The following CRELD2 variants were observed in gnomAD, a reference collection of about 807,000 sequenced individuals.
CRELD2 encodes protein disulfide isomerase CRELD2.
Under a neutral mutation model 48.1 loss-of-function variants are expected in CRELD2, and 33 were observed. The ratio of observed to expected loss-of-function variants is 0.69; its 90% CI spans 0.52 to 0.92. The LOEUF (loss-of-function observed/expected upper bound fraction) is 0.92. Among genes scored for constraint, CRELD2 ranks in the 40% least tolerant of loss-of-function variants. The pLI is 0.00. For synonymous variants in CRELD2, 220 were observed against 203.9 expected, an observed-to-expected ratio of 1.08 and a Z score of -0.67; for missense variants, 477 against 482.4, an observed-to-expected ratio of 0.99 and a Z score of 0.10.
chr22:49,923,346 G>A lies in CRELD2; in HGVS notation c.772+29G>A, dbSNP rs369318070. 351 of 1,557,082 alleles carry A rather than the reference G, an allele frequency of 2.3e-4. 2 individuals are homozygous for A. Among genetic ancestry groups the A allele is most frequent in the South Asian group, 8.1e-4 (72 of 89,276 alleles). ...GGCCAGGCGGGCGGGTCTGCACTCC[G>A]GGGCCTGCCGGGTTTCGTTGCTGCC... On this transcript the variant is annotated intron_variant, in intron 7 of 9. Transcript: ENST00000328268.
In CRELD2 at chr22:49,919,281, G is replaced by A. The variant is rs1264421068; in HGVS notation, c.181G>A (p.Glu61Lys). The change falls in exon 2 of 10, where the codon GAG (glutamate) becomes AAG (lysine). Residue 61 changes from glutamate to lysine, a missense_variant. Physicochemically the swap from Glu to Lys is moderately conservative, Grantham distance 56. Coordinates refer to ENST00000328268, the MANE Select transcript of CRELD2 (RefSeq NM_024324.5). The part of the protein sequence containing the change: ...KNFGGGNTAW[E>K]EKTLSKYESS... Reference sequence around the variant, plus strand: ...CTTTGGCGGCGGGAACACGGCTTGGGAGGAAAAGACGCTGTCCAAGTACGA... The same window carrying A: ...CTTTGGCGGCGGGAACACGGCTTGGAAGGAAAAGACGCTGTCCAAGTACGA... 1 of 1,613,690 alleles carries A rather than the reference G, an allele frequency of 6.2e-7. No homozygotes were observed. The highest frequency in any genetic ancestry group is 8.5e-7 in the Non-Finnish European group (1 of 1,180,024).
chr22:49,925,794 G>A, intron 9 of CRELD2: 1 of 1,343,102 alleles, frequency 7.4e-7, no homozygotes, highest in Non-Finnish European at 9.7e-7. Context: ...GGCGATGAAG[G>A]GGGAAGTCTC....
Position 49,919,828 on chromosome 22 carries a change from G to A in CRELD2, c.311G>A (p.Trp104Ter), listed in dbSNP as rs1341288623. 4.4e-6 allele frequency: 7 copies of A among 1,608,264 alleles called. No homozygotes were observed. The highest frequency in any genetic ancestry group is 5.9e-6 in the Non-Finnish European group (7 of 1,176,712). Residue 104 changes from tryptophan (W) to a stop codon, truncating the protein, a stop_gained, in exon 3 of 10, where the codon TGG becomes TAG. Transcript: ENST00000328268. LOFTEE classifies it high-confidence loss of function. ...LEAQEEHLEA[W>*]WLQLKSEYPD... is the part of the protein sequence containing the mutation. ...GCGCAGGAGGAGCACCTGGAGGCCT[G>A]GTGGCTGCAGCTGTGAGTGCCTTAA...
rs1375383540 is a variant in CRELD2 at position 49,919,731 on chromosome 22, G to C, written c.214G>C (p.Glu72Gln). The stretch of plus-strand genomic sequence containing the variant: ...GGCCGGTGTGGGCCTGTGTTTCAGC[G>C]AGATTCGCCTGCTGGAGATCCTGGA... Reference protein sequence around the residue: ...EKTLSKYESSEIRLLEILEGL... With the variant: ...EKTLSKYESSQIRLLEILEGL... Residue 72 changes from glutamate to glutamine, a missense_variant and splice_region_variant, in exon 3 of 10, where the codon GAG becomes CAG. Physicochemically the swap from Glu to Gln is conservative, Grantham distance 29 (BLOSUM62 2). Coordinates refer to ENST00000328268, the MANE Select transcript of CRELD2 (RefSeq NM_024324.5). The C allele has an allele frequency of 6.2e-7, 1 of 1,605,386 alleles. No individual in the cohort carries two copies. Among genetic ancestry groups the C allele is most frequent in the Non-Finnish European group, 8.5e-7 (1 of 1,176,810 alleles).
rs1356384265 is a variant in CRELD2 at position 49,922,717 on chromosome 22, G to A, written c.688+10G>A. 8.6e-6 allele frequency: 13 copies of A among 1,518,626 alleles called. No individual in the cohort carries two copies. The highest frequency in any genetic ancestry group is 6.0e-5 in the South Asian group (5 of 83,120). The allele number at this position is 1,518,626 out of a possible 1,614,324, so 94.1% of individuals were successfully genotyped here. A position where few individuals can be genotyped will look rare whatever the true frequency, so the allele number is the denominator to read the frequency against. Reference sequence around the variant, plus strand: ...GAGGGCGCCTGTGTGGGTGAGGAGCGGCCCGGGGGTGGAGGAGGGCGCCTG... The same window carrying A: ...GAGGGCGCCTGTGTGGGTGAGGAGCAGCCCGGGGGTGGAGGAGGGCGCCTG... On this transcript the variant is annotated intron_variant, in intron 6 of 9. Coordinates refer to ENST00000328268, the MANE Select transcript of CRELD2 (RefSeq NM_024324.5).
Position 49,925,456 on chromosome 22 carries a change from G to C in CRELD2, c.908G>C (p.Arg303Thr). Residue 303 changes from arginine to threonine, a missense_variant, in exon 9 of 10, where the codon AGG becomes ACG. By Grantham distance (71) the Arg-to-Thr change is moderately conservative (BLOSUM62 -1). Transcript: ENST00000328268. Reference sequence around the variant, plus strand: ...TCACTAGCAGAAAAAACCTGTGTGAGGAAAAACGAAAACTGCTACAATACT... The same window carrying C: ...TCACTAGCAGAAAAAACCTGTGTGACGAAAAACGAAAACTGCTACAATACT... ...ECSLAEKTCV[R>T]KNENCYNTPG... 1 of 1,613,668 alleles carries C rather than the reference G, an allele frequency of 6.2e-7. No individual in the cohort carries two copies. Among genetic ancestry groups the C allele is most frequent in the South Asian group, 1.1e-5 (1 of 91,016 alleles).
chr22:49,918,681 G>C lies in CRELD2; in HGVS notation c.-89G>C. The C allele has an allele frequency of 2.3e-6, 1 of 440,884 alleles. No homozygotes were observed. Among genetic ancestry groups the C allele is most frequent in the Non-Finnish European group, 3.7e-6 (1 of 273,960 alleles). 27.3% of individuals were successfully genotyped at this position (440,884 alleles called of 1,614,324 possible). A position where few individuals can be genotyped will look rare whatever the true frequency, so the allele number is the denominator to read the frequency against. The stretch of plus-strand genomic sequence containing the variant: ...GTAGCCTGGGGGACAGGCCGGCGCG[G>C]CTGGGAGCGGGTGGGCGGCCGGGAG... On this transcript the variant is annotated 5_prime_UTR_variant, in exon 1 of 10. Transcript: ENST00000328268.
At chr22:49,923,645 TTGC>T (rs2060726706) in intron 7 of CRELD2, 3 of 474,858 alleles carry the variant, frequency 6.3e-6, no homozygotes, top group Non-Finnish European at 1.2e-5. Flanking sequence ...CAGCAGCTTG[TTGC>T]GAACGTCTCT....
In CRELD2 at chr22:49,921,659, G is replaced by C. The variant is rs770929809; in HGVS notation, c.490G>C (p.Gly164Arg). The C allele has an allele frequency of 6.2e-7, 1 of 1,612,802 alleles. No individual in the cohort carries two copies. Among genetic ancestry groups the C allele is most frequent in the South Asian group, 1.1e-5 (1 of 91,074 alleles). Residue 164 changes from glycine (G) to arginine (R), a missense_variant, in exon 5 of 10, where the codon GGG becomes CGG. Gly to Arg is a moderately radical substitution (Grantham distance 125). Coordinates refer to ENST00000328268, the MANE Select transcript of CRELD2 (RefSeq NM_024324.5). The part of the protein sequence containing the change: ...CSGDGSRQGD[G>R]SCRCHMGYQG... ...CGGAGATGGGAGCAGACAGGGCGAC[G>C]GGTCCTGCCGGTGCCACATGGGGTA...
In CRELD2 at chr22:49,922,494, G is replaced by A. The variant is rs766255254; in HGVS notation, c.593-118G>A. 45 of 1,521,146 alleles carry A rather than the reference G, an allele frequency of 3.0e-5. No homozygotes were observed. In the Admixed American group the frequency reaches 3.2e-4, roughly 11 times the overall value. 94.2% of individuals were successfully genotyped at this position (1,521,146 alleles called of 1,614,324 possible). A position where few individuals can be genotyped will look rare whatever the true frequency, so the allele number is the denominator to read the frequency against. ...GGTTTGCTGAGAATTTTAAATTCAT[G>A]GGCACTGAAAATCCCGTGTTGCTTT... On this transcript the variant is annotated intron_variant, in intron 5 of 9. Transcript: ENST00000328268.
At position 49,927,264 on chromosome 22, in the gene CRELD2, A is replaced by T. The variant is rs200272727; in HGVS notation, c.1019A>T (p.Glu340Val). 2.0e-5 allele frequency: 33 copies of T among 1,612,376 alleles called. No individual in the cohort carries two copies. In the South Asian group the frequency reaches 3.4e-4, roughly 17 times the overall value. The change falls in exon 10 of 10, where the codon GAA (glutamate) becomes GTA (valine). Residue 340 changes from glutamate to valine, a missense_variant. Glu to Val is a moderately radical substitution (Grantham distance 121). Coordinates refer to ENST00000328268, the MANE Select transcript of CRELD2 (RefSeq NM_024324.5). The stretch of plus-strand genomic sequence containing the variant: ...GCTTGTTTTCTGACAGAAGCCACAG[A>T]AGGAGAAAGCCCGACACAGCTGCCC... The part of the protein sequence containing the change: ...CVPPAEAEAT[E>V]GESPTQLPSR...
chr22:49,925,529 A>G lies in CRELD2; in HGVS notation c.981A>G (p.Glu327=), dbSNP rs778255480. The part of the protein sequence containing the change: ...CVCPDGFEET[E]DACVPPAEAE... ...GTCCTGACGGCTTCGAAGAAACGGA[A>G]GATGCCTGTGTGCCGCCGGCAGAGG... The change falls in exon 9 of 10, where the codon GAA becomes GAG. Residue 327 remains glutamate (E), a synonymous_variant. Transcript: ENST00000328268. 2 of 1,613,912 alleles carry G rather than the reference A, an allele frequency of 1.2e-6. No individual in the cohort carries two copies. The highest frequency in any genetic ancestry group is 1.7e-6 in the Non-Finnish European group (2 of 1,180,024).
chr22:49,927,382 G>C lies in CRELD2; in HGVS notation c.*75G>C. On this transcript the variant is annotated 3_prime_UTR_variant, in exon 10 of 10. Coordinates refer to ENST00000328268, the MANE Select transcript of CRELD2 (RefSeq NM_024324.5). Reference sequence around the variant, plus strand: ...TGTGGCCCTGAGGATGCCGTCTCCTGCAGTGGACAGCGGCGGGGAGAGGCT... The same window carrying C: ...TGTGGCCCTGAGGATGCCGTCTCCTCCAGTGGACAGCGGCGGGGAGAGGCT... The C allele has an allele frequency of 6.5e-6, 8 of 1,232,356 alleles. No individual in the cohort carries two copies. The South Asian group carries it at 9.6e-5, about 15-fold the overall frequency. The allele number at this position is 1,232,356 out of a possible 1,614,324, so 76.3% of individuals were successfully genotyped here. A position where few individuals can be genotyped will look rare whatever the true frequency, so the allele number is the denominator to read the frequency against.
chr22:49,926,219 C>G (rs1870243556), intron 9 of CRELD2: 1 of 152,462 alleles, frequency 6.6e-6, no homozygotes, highest in African/African-American at 2.4e-5. Flanking sequence ...CTAATGCCCT[C>G]ATGTTAACCT....
Position 49,927,310 on chromosome 22 carries a change from TGCC to T in CRELD2, c.*5_*7del. On this transcript the variant is annotated 3_prime_UTR_variant, in exon 10 of 10. Coordinates refer to ENST00000328268, the MANE Select transcript of CRELD2 (RefSeq NM_024324.5). ...TGCCCTCCCGCGAAGACCTGTAATGTGCCGGACTTACCCTTTAAATTATTCAGA... is the reference window on the plus strand; with the variant it reads ...TGCCCTCCCGCGAAGACCTGTAATGTGGACTTACCCTTTAAATTATTCAGA... The T allele has an allele frequency of 6.2e-7, 1 of 1,610,974 alleles. No individual in the cohort carries two copies.
chr22:49,922,210 G>A, intron 5 of CRELD2: 1 of 1,421,668 alleles, frequency 7.0e-7, no homozygotes, highest in South Asian at 1.4e-5. Context: ...TGTGTGGTTG[G>A]CCGGCAGCCC....
chr22:49,918,787 G>C lies in CRELD2; in HGVS notation c.18G>C (p.Arg6=). MRLPR[R]AALGLLPLLL... is the part of the protein sequence containing the mutation. ...TACCCGCCATGCGCCTGCCGCGCCG[G>C]GCCGCGCTGGGGCTCCTGCCGCTTC... The change falls in exon 1 of 10, where the codon CGG becomes CGC. Residue 6 remains arginine (R), a synonymous_variant. Transcript: ENST00000328268. 2 of 1,292,572 alleles carry C rather than the reference G, an allele frequency of 1.5e-6. No individual in the cohort carries two copies. The highest frequency in any genetic ancestry group is 1.5e-5 in the African/African-American group (1 of 64,524). The allele number at this position is 1,292,572 out of a possible 1,614,324, so 80.1% of individuals were successfully genotyped here.
At chr22:49,923,411 A>C in intron 7 of CRELD2, 94 bp downstream of exon 7, 2 of 920,040 alleles carry the variant, frequency 2.2e-6, no homozygotes, top group Non-Finnish European at 1.7e-6. Context: ...TGTCACTTCC[A>C]TACATCCTGC....
chr22:49,923,222 G>T lies in CRELD2; in HGVS notation c.689-12G>T. On this transcript the variant is annotated splice_polypyrimidine_tract_variant and intron_variant, in intron 6 of 9. Coordinates refer to ENST00000328268, the MANE Select transcript of CRELD2 (RefSeq NM_024324.5). ...GTCCTGGGCCGCTCACAGCTGTGCC[G>T]CTCTGTTCCAGATGTGGACGAGTGT... 6.4e-7 allele frequency: 1 copy of T among 1,561,508 alleles called. No homozygotes were observed.
Sources: allele counts gnomAD v4.1 joint callset, GRCh38; gene constraint gnomAD v4.1.1; transcripts MANE v1.5; gene names NCBI Gene and HGNC (gene_info 2026-07-23, HGNC 2026-07-21).